Variants in RPS6KA2 observed in about 807,000 individuals in gnomAD.
The protein encoded by RPS6KA2 is ribosomal protein S6 kinase alpha-2.
In RPS6KA2, 42 loss-of-function variants were observed where a neutral mutation model predicts 91.8. That is an observed-to-expected ratio of 0.46 (90% CI 0.36 to 0.59). The LOEUF (loss-of-function observed/expected upper bound fraction) is 0.59. Among genes scored for constraint, RPS6KA2 ranks in the 20% least tolerant of loss-of-function variants. The pLI is 0.00. For missense variants in RPS6KA2, 798 were observed against 978.5 expected (o/e 0.82, Z 2.46); for synonymous variants, 414 against 393.6 (o/e 1.05, Z -0.61).
At chr6:166,588,531 C>T (rs989825810) in intron 1 of RPS6KA2, among the ~76,000 whole-genome samples, 2 of 152,140 alleles carry the variant, frequency 1.3e-5, no homozygotes, top group Non-Finnish European at 2.9e-5. Context: ...TGCAGCACGT[C>T]GCTGAGACAC....
intron 1 of RPS6KA2, among the ~76,000 whole-genome samples, chr6:166,551,529 G>A (rs912675022): frequency 6.6e-6 from 1 of 152,164 alleles, no homozygotes; most frequent in Non-Finnish European, 1.5e-5. Context: ...GATGTCAGAG[G>A]TAACGTGCAG....
chr6:166,497,634 G>A (rs747609021), intron 8 of RPS6KA2, among the ~76,000 whole-genome samples: 26 of 152,206 alleles, frequency 1.7e-4, no homozygotes, highest in African/African-American at 5.8e-4. Flanking sequence ...GGCACCAGCC[G>A]GGGGTTCTCC....
At chr6:166,590,904 A>G (rs6939254) in intron 1 of RPS6KA2, among the ~76,000 whole-genome samples, 8,034 of 152,278 alleles carry the variant, frequency 0.053, 717 homozygotes, top group African/African-American at 0.18. Context: ...TTAAAAACAG[A>G]TTAAAACCAA....
chr6:166,680,120 C>G (rs1248517755), intron 2 of RPS6KA2, among the ~76,000 whole-genome samples: 1 of 152,140 alleles, frequency 6.6e-6, no homozygotes, highest in Non-Finnish European at 1.5e-5. Flanking sequence ...ACGTGCCAAT[C>G]AGCACTTGTT....
chr6:166,584,470 C>T (rs1046344589), intron 1 of RPS6KA2, among the ~76,000 whole-genome samples: 3 of 152,206 alleles, frequency 2.0e-5, no homozygotes, highest in African/African-American at 7.2e-5. Flanking sequence ...CATGACCATA[C>T]TCAGTGATGA....
chr6:166,843,141 G>T (rs1780527085), intron 2 of RPS6KA2, among the ~76,000 whole-genome samples: 1 of 152,136 alleles, frequency 6.6e-6, no homozygotes, highest in South Asian at 2.1e-4. Context: ...GGTGATCTGT[G>T]TGATGCAGCA....
chr6:166,750,036 G>A (rs966811829), intron 2 of RPS6KA2, among the ~76,000 whole-genome samples: 21 of 152,062 alleles, frequency 1.4e-4, no homozygotes, highest in East Asian at 5.9e-4. Flanking sequence ...TTGAGTCAGC[G>A]GGGAGGGGCA....
At chr6:166,749,821 G>T in intron 2 of RPS6KA2, among the ~76,000 whole-genome samples, 1 of 140,588 alleles carries the variant, frequency 7.1e-6, no homozygotes, top group Non-Finnish European at 1.6e-5. Flanking sequence ...GCACTGCCTG[G>T]CTGGGAGCTG....
intron 1 of RPS6KA2, among the ~76,000 whole-genome samples, chr6:166,561,305 C>T (rs1227437821): frequency 6.6e-6 from 1 of 152,144 alleles, no homozygotes; most frequent in Non-Finnish European, 1.5e-5. Context: ...CTGTGCCCAG[C>T]TCAAGGTCCC....
At chr6:166,541,224 T>C (rs1383360159) in intron 1 of RPS6KA2, among the ~76,000 whole-genome samples, 3 of 152,212 alleles carry the variant, frequency 2.0e-5, no homozygotes, top group Non-Finnish European at 4.4e-5. Context: ...ACGGCCACAC[T>C]GCAGAACAGA....
rs1214376614 is a variant in RPS6KA2 at position 166,437,030 on chromosome 6, A to AT, written c.1333-4541dup. 0.045 allele frequency among the ~76,000 whole-genome samples: 6,629 copies of AT among 147,434 alleles called. 472 individuals are homozygous for AT. Among genetic ancestry groups the AT allele is most frequent in the African/African-American group, 0.15 (6,272 of 40,532 alleles). On this transcript the variant is annotated intron_variant, in intron 14 of 20. Coordinates refer to ENST00000265678, the MANE Select transcript of RPS6KA2 (RefSeq NM_021135.6). This position sits in a 1 kb window ranked among gnomAD's most constrained non-coding sequence, Gnocchi z 4.3. Reference sequence around the variant, plus strand: ...CCCTGTAACTTTTTCTGAAAAAAAAATTTTTTTTTTTTGCTTTTGTTTTTA... The same window carrying AT: ...CCCTGTAACTTTTTCTGAAAAAAAAATTTTTTTTTTTTTGCTTTTGTTTTTA...
intron 1 of RPS6KA2, among the ~76,000 whole-genome samples, chr6:166,613,569 T>C (rs750963659): frequency 3.9e-5 from 6 of 152,190 alleles, no homozygotes; most frequent in Non-Finnish European, 8.8e-5. Flanking sequence ...TTTTCTGTCA[T>C]GTATAGTGTG....
chr6:166,674,691 T>C (rs1056693088), intron 2 of RPS6KA2, among the ~76,000 whole-genome samples: 1 of 152,196 alleles, frequency 6.6e-6, no homozygotes, highest in Non-Finnish European at 1.5e-5. Context: ...GTTTCTGAGA[T>C]GGAGTCTCAC....
chr6:166,428,640 C>T (rs1273147053), intron 16 of RPS6KA2, among the ~76,000 whole-genome samples: 144 of 148,812 alleles, frequency 9.7e-4, no homozygotes, highest in African/African-American at 3.0e-3. Context: ...AAAAAGTGGG[C>T]GAAGGACATG....
At chr6:166,748,297 C>T (rs559044342) in intron 2 of RPS6KA2, among the ~76,000 whole-genome samples, 7 of 152,196 alleles carry the variant, frequency 4.6e-5, no homozygotes, top group African/African-American at 9.6e-5. Context: ...CCACTGCCAG[C>T]GCCACCACCT....
At chr6:166,576,219 G>C (rs540153425) in intron 1 of RPS6KA2, among the ~76,000 whole-genome samples, 5 of 152,252 alleles carry the variant, frequency 3.3e-5, no homozygotes, top group African/African-American at 7.2e-5. Flanking sequence ...TCCCAGTCTT[G>C]GATATGTCTT....
At chr6:166,480,374 A>G (rs1304347420) in intron 10 of RPS6KA2, among the ~76,000 whole-genome samples, 4 of 151,468 alleles carry the variant, frequency 2.6e-5, no homozygotes, top group Admixed American at 6.6e-5. Context: ...CGAACTTTCA[A>G]TAGCCCCTTC....
In RPS6KA2 at chr6:166,411,755, T is replaced by C; in HGVS notation, c.*1007A>G. ...CTGCTGGGTGGGGCCTGTGTCTCCC[T>C]CCAGCCTCCAGCTGGACTGAGAAGG... On this transcript the variant is annotated 3_prime_UTR_variant, in exon 21 of 21. Coordinates refer to ENST00000265678, the MANE Select transcript of RPS6KA2 (RefSeq NM_021135.6). This position sits in a 1 kb window ranked among gnomAD's most constrained non-coding sequence, Gnocchi z 4.5. The C allele has an allele frequency of 6.6e-6, 1 of 152,530 alleles. No homozygotes were observed. The allele number at this position is 152,530 out of a possible 1,614,324, so 9.4% of individuals were successfully genotyped here. A position where few individuals can be genotyped will look rare whatever the true frequency, so the allele number is the denominator to read the frequency against.
At chr6:166,754,864 G>A (rs1777960909) in intron 2 of RPS6KA2, among the ~76,000 whole-genome samples, 1 of 152,172 alleles carries the variant, frequency 6.6e-6, no homozygotes, top group Non-Finnish European at 1.5e-5. Flanking sequence ...TGAGATGGGT[G>A]CCCAGGGCGG....
Sources: allele counts gnomAD v4.1 joint callset (sites outside exome capture counted in the v4.1 genomes callset), GRCh38; gene constraint gnomAD v4.1.1; non-coding constraint Gnocchi (gnomAD v3.1); transcripts MANE v1.5; gene names NCBI Gene and HGNC (gene_info 2026-07-23, HGNC 2026-07-21).